THOC5: variants seen among roughly 807,000 people sequenced by gnomAD.
The protein encoded by THOC5 is THO complex subunit 5.
Under a neutral mutation model 92.9 loss-of-function variants are expected in THOC5, and 43 were observed. The observed-to-expected ratio is 0.46, with a 90% CI of 0.36 to 0.60. The LOEUF (loss-of-function observed/expected upper bound fraction) is 0.60, where lower values mean the gene tolerates loss of function less well. Ranked by LOEUF, THOC5 falls within the 20% of genes least tolerant of loss-of-function variation. The probability of loss-of-function intolerance (pLI) is 0.00; values close to 1 mark genes in which losing one functional copy is unlikely to be tolerated. For missense variants in THOC5, 659 were observed against 849.4 expected (o/e 0.78, Z 2.79); for synonymous variants, 296 against 320.1 (o/e 0.92, Z 0.80).
rs897969837 is a variant in THOC5 at position 29,508,203 on chromosome 22, T to C, written c.*254A>G. ...CTGCAGAATTGGAATCTTTTTCCAC[T>C]CTGCTTTTATTGGCTGCTGAGAAAA... On this transcript the variant is annotated 3_prime_UTR_variant, in exon 20 of 20. Transcript: ENST00000490103. 4.3e-5 allele frequency: 23 copies of C among 536,840 alleles called. No homozygotes were observed. The highest frequency in any genetic ancestry group is 7.6e-5 in the Non-Finnish European group (23 of 301,458). 33.3% of individuals were successfully genotyped at this position (536,840 alleles called of 1,614,324 possible). A position where few individuals can be genotyped will look rare whatever the true frequency, so the allele number is the denominator to read the frequency against.
At position 29,533,587 on chromosome 22, in the gene THOC5, C is replaced by T. The variant is rs146957790; in HGVS notation, c.715-1624G>A. Among the ~76,000 whole-genome samples the T allele has an allele frequency of 5.4e-3, 819 of 152,284 alleles. 14 individuals carry two copies. The highest frequency in any genetic ancestry group is 0.044 in the Middle Eastern group (13 of 294). ...ATTAGTAAAATTAGGAACATGCACT[C>T]ATTAAAAGATACCATTAGCAAAGTG... is the stretch of plus-strand genomic sequence containing the variant. On this transcript the variant is annotated intron_variant, in intron 7 of 19. Transcript: ENST00000490103.
chr22:29,528,110 G>A lies in THOC5; in HGVS notation c.1034C>T (p.Pro345Leu), dbSNP rs1438478102. 1 of 1,614,184 alleles carries A rather than the reference G, an allele frequency of 6.2e-7. No homozygotes were observed. Among genetic ancestry groups the A allele is most frequent in the Non-Finnish European group, 8.5e-7 (1 of 1,180,020 alleles). The change falls in exon 11 of 20, where the codon CCA (proline) becomes CTA (leucine). Residue 345 changes from proline (P) to leucine (L), a missense_variant. Coordinates refer to ENST00000490103, the MANE Select transcript of THOC5 (RefSeq NM_003678.5). ...CTTCAGGTCGAGCATGACAGACAGT[G>A]GGTGCCTCTTCAGCATCTCCTTGCG... ...DKRKEMLKRH[P>L]LSVMLDLKCK...
intron 3 of THOC5, 29 bp downstream of exon 3, chr22:29,544,431 G>T (rs183596773): frequency 3.7e-6 from 6 of 1,606,348 alleles, no homozygotes; most frequent in Middle Eastern, 2.0e-4. Flanking sequence ...AACCCACCAG[G>T]TTCACGGCCA....
chr22:29,545,260 G>T (rs1332293134), intron 2 of THOC5: 3 of 184,404 alleles, frequency 1.6e-5, no homozygotes, highest in African/African-American at 2.4e-5. Context: ...CTCCCTCTGG[G>T]TCCCTCCCAC....
intron 17 of THOC5, among the ~76,000 whole-genome samples, chr22:29,513,040 T>C (rs1462273062): frequency 1.3e-5 from 2 of 152,160 alleles, no homozygotes; most frequent in Non-Finnish European, 2.9e-5. Context: ...AATTCTTCCC[T>C]AACAGTCAGA....
intron 14 of THOC5, among the ~76,000 whole-genome samples, chr22:29,519,677 G>A (rs1402741574): frequency 6.7e-6 from 1 of 149,520 alleles, no homozygotes; most frequent in East Asian, 2.0e-4. Flanking sequence ...TTGTTGCCCA[G>A]GCTGGAGTGC....
intron 1 of THOC5, among the ~76,000 whole-genome samples, chr22:29,551,237 C>A (rs1429355190): frequency 2.0e-5 from 3 of 152,030 alleles, no homozygotes; most frequent in Non-Finnish European, 2.9e-5. Context: ...AGTTTGAGAC[C>A]AGCCTGGCCA....
intron 2 of THOC5, 82 bp from the exon 3 acceptor site, chr22:29,544,685 CT>C: frequency 7.4e-7 from 1 of 1,349,360 alleles, no homozygotes; most frequent in Non-Finnish European, 9.8e-7. Flanking sequence ...CTGACATCTC[CT>C]TTTAGATAAA....
Position 29,512,027 on chromosome 22 carries a change from G to A in THOC5, c.1791C>T (p.Asn597=), listed in dbSNP as rs756673126. 41 of 1,613,790 alleles carry A rather than the reference G, an allele frequency of 2.5e-5. No homozygotes were observed. In the East Asian group the frequency reaches 5.3e-4, roughly 21 times the overall value. Residue 597 remains asparagine, a synonymous_variant, in exon 18 of 20, where the codon AAC becomes AAT. Coordinates refer to ENST00000490103, the MANE Select transcript of THOC5 (RefSeq NM_003678.5). ...ATCCCCAGCTGGGTCTTACCCGAAT[G>A]TTGTCATCGTTGCTGTTGGTTTTCT... ...KGEKTNSNDD[N]IRAMEGEVNV...
rs2063354009 is a variant in THOC5, at chr22:29,517,386, A to G, written c.1490-20T>C. The G allele has an allele frequency of 6.2e-7, 1 of 1,607,568 alleles. No homozygotes were observed. The highest frequency in any genetic ancestry group is 8.5e-7 in the Non-Finnish European group (1 of 1,175,252). On this transcript the variant is annotated intron_variant, in intron 15 of 19. Transcript: ENST00000490103. ...CATGTTCTAAAAGAGAACAAGACAG[A>G]TGACGTCACAGGTAGAAATCAGGTG...
At chr22:29,517,487 C>G in intron 15 of THOC5, 121 bp from the exon 16 acceptor site, 1 of 790,686 alleles carries the variant, frequency 1.3e-6, no homozygotes, top group Non-Finnish European at 2.1e-6. Flanking sequence ...CCTGGTATAC[C>G]TGGTACTCAG....
intron 13 of THOC5, 50 bp from the exon 14 acceptor site, chr22:29,520,154 G>T: frequency 1.3e-6 from 2 of 1,527,158 alleles, no homozygotes; most frequent in South Asian, 1.2e-5. Flanking sequence ...TTTCTGCTGT[G>T]GTCCCAGGAT....
In THOC5 at chr22:29,511,095, C is replaced by A. The variant is rs749336605; in HGVS notation, c.1988+11G>T. ...CATGAGAAGTCACCAGAGCCCCAAC[C>A]CTCTCCTCACCTGAAGAGCCGCAGA... On this transcript the variant is annotated intron_variant, in intron 19 of 19. Transcript: ENST00000490103. The A allele has an allele frequency of 1.2e-6, 2 of 1,610,884 alleles. No homozygotes were observed. Among genetic ancestry groups the A allele is most frequent in the African/African-American group, 2.7e-5 (2 of 74,884 alleles).
At chr22:29,517,858 G>C (rs1044361141) in intron 15 of THOC5, among the ~76,000 whole-genome samples, 2 of 152,200 alleles carry the variant, frequency 1.3e-5, no homozygotes. Flanking sequence ...AGAATGACAA[G>C]TTCCCTACCT....
At chr22:29,529,721 T>G (rs1269159378) in intron 8 of THOC5, among the ~76,000 whole-genome samples, 1 of 152,248 alleles carries the variant, frequency 6.6e-6, no homozygotes, top group Non-Finnish European at 1.5e-5. Flanking sequence ...GGACAGTGAA[T>G]AGGAACTTGG....
At chr22:29,536,584 G>T in intron 7 of THOC5, 40 bp downstream of exon 7, 2 of 1,222,804 alleles carry the variant, frequency 1.6e-6, no homozygotes, top group Non-Finnish European at 2.4e-6. Flanking sequence ...GCAGCGCCTG[G>T]TCAGTGGTGA....
chr22:29,526,066 T>C (rs533122799), intron 11 of THOC5, 120 bp from the exon 12 acceptor site: 6 of 662,424 alleles, frequency 9.1e-6, no homozygotes, highest in South Asian at 8.7e-5. Flanking sequence ...CTAGGTATTA[T>C]GCCCACTACC....
At chr22:29,545,204 A>G (rs1199321839) in intron 2 of THOC5, 3 of 254,726 alleles carry the variant, frequency 1.2e-5, no homozygotes, top group South Asian at 3.5e-5. Context: ...CTTATTCACT[A>G]TCATGAGAAT....
intron 19 of THOC5, 30 bp downstream of exon 19, chr22:29,511,076 A>G (rs1358045451): frequency 1.2e-6 from 2 of 1,600,554 alleles, no homozygotes; most frequent in Admixed American, 3.4e-5. Context: ...TCACCATGAG[A>G]AGTCACCAGA....
Sources: allele counts gnomAD v4.1 joint callset (sites outside exome capture counted in the v4.1 genomes callset), GRCh38; gene constraint gnomAD v4.1.1; transcripts MANE v1.5; gene names NCBI Gene and HGNC (gene_info 2026-07-23, HGNC 2026-07-21).